Variants in HSPG2 observed in about 807,000 individuals in gnomAD.
The protein encoded by HSPG2 is basement membrane-specific heparan sulfate proteoglycan core protein.
In HSPG2, 278 loss-of-function variants were observed where a neutral mutation model predicts 526.6. That is an observed-to-expected ratio of 0.53 (90% CI 0.48 to 0.58). The LOEUF is 0.58. HSPG2 is among the 20% of genes least tolerant of loss of function. The probability of loss-of-function intolerance (pLI) is 0.00; values close to 1 mark genes in which losing one functional copy is unlikely to be tolerated. For missense variants in HSPG2, 5,354 were observed against 6,099.5 expected (o/e 0.88, Z 4.07); for synonymous variants, 2,465 against 2,555.4 (o/e 0.96, Z 1.07).
In HSPG2 at chr1:21,881,409, A is replaced by G. The variant is rs768739676; in HGVS notation, c.1748T>C (p.Val583Ala). Residue 583 changes from valine to alanine, a missense_variant, in exon 14 of 97, where the codon GTC becomes GCC. Coordinates refer to ENST00000374695, the MANE Select transcript of HSPG2 (RefSeq NM_005529.7). Reference protein sequence around the residue: ...IDPSLHEFQLVDLSRRFLVHD... With the variant: ...IDPSLHEFQLADLSRRFLVHD... ...GACGAGGAAGCGGCGGGACAGGTCGACTAGCTGGAACTCGTGCAGGGATGG... is the reference window on the plus strand; with the variant it reads ...GACGAGGAAGCGGCGGGACAGGTCGGCTAGCTGGAACTCGTGCAGGGATGG... 44 of 1,613,974 alleles carry G rather than the reference A, an allele frequency of 2.7e-5. No individual in the cohort carries two copies. The highest frequency in any genetic ancestry group is 3.6e-5 in the Non-Finnish European group (43 of 1,180,042).
chr1:21,846,999 CAAA>C (rs34373270), intron 62 of HSPG2, among the ~76,000 whole-genome samples: 1 of 140,860 alleles, frequency 7.1e-6, no homozygotes, highest in East Asian at 2.0e-4. Context: ...GACTCCCTCT[CAAA>C]AAAAAAAAAA....
In HSPG2 at chr1:21,846,652, A is replaced by T; in HGVS notation, c.8165-53T>A. ...CACAGCCGTTGTCAGATTTGGGAAC[A>T]GGGTTGGTGGGACCCTCTGCCATAG... On this transcript the variant is annotated intron_variant, in intron 62 of 96. Transcript: ENST00000374695. 2.5e-6 allele frequency: 4 copies of T among 1,604,670 alleles called. 1 individual carries two copies. The South Asian group carries it at 4.4e-5, about 18-fold the overall frequency.
chr1:21,875,963 G>C lies in HSPG2; in HGVS notation c.3083C>G (p.Pro1028Arg), dbSNP rs746308641. ...GTTGTTACCTTGCAGCACCACCAAC[G>C]GCTGCCCGTGCAGGGGTGTGGAGCC... ...QPGSTPLHGQ[P>R]LVVLQGNNII... Residue 1028 changes from proline to arginine, a missense_variant, in exon 24 of 97, where the codon CCG becomes CGG. Coordinates refer to ENST00000374695, the MANE Select transcript of HSPG2 (RefSeq NM_005529.7). The C allele has an allele frequency of 1.2e-6, 2 of 1,614,154 alleles. No individual in the cohort carries two copies. Among genetic ancestry groups the C allele is most frequent in the Non-Finnish European group, 1.7e-6 (2 of 1,180,010 alleles).
rs2097990436 is a variant in HSPG2, at chr1:21,829,108, A to AC, written c.11993-30dup. On this transcript the variant is annotated intron_variant, in intron 87 of 96. Transcript: ENST00000374695. ...GGGAGGATGCCAGGCAGGGTTGGGC[A>AC]CATGGGGGCACACGGGGCTCCCTGC... is the stretch of plus-strand genomic sequence containing the variant. 5 of 1,527,750 alleles carry AC rather than the reference A, an allele frequency of 3.3e-6. No homozygotes were observed. In the East Asian group the frequency reaches 1.2e-4, roughly 38 times the overall value. The allele number at this position is 1,527,750 out of a possible 1,614,324, so 94.6% of individuals were successfully genotyped here. A position where few individuals can be genotyped will look rare whatever the true frequency, so the allele number is the denominator to read the frequency against.
chr1:21,839,466 A>G lies in HSPG2; in HGVS notation c.9794T>C (p.Ile3265Thr), dbSNP rs1048312499. Residue 3265 changes from isoleucine to threonine, a missense_variant, in exon 73 of 97, where the codon ATA (isoleucine) becomes ACA (threonine). Transcript: ENST00000374695. The surrounding 1 kb of genome is among the most constrained non-coding windows in gnomAD (Gnocchi z 4.5). ...QHRLEGDTLI[I>T]PRVAQQDSGQ... ...CGAGTCCTGCTGGGCTACCCGGGGT[A>G]TGATGAGTGTGTCACCTTCCAGCCG... 2 of 1,614,102 alleles carry G rather than the reference A, an allele frequency of 1.2e-6. No individual in the cohort carries two copies. Among genetic ancestry groups the G allele is most frequent in the Non-Finnish European group, 1.7e-6 (2 of 1,179,984 alleles).
At chr1:21,873,780 G>A (rs1280053928) in intron 29 of HSPG2, 145 bp downstream of exon 29, 4 of 687,462 alleles carry the variant, frequency 5.8e-6, no homozygotes, top group East Asian at 2.7e-5. Flanking sequence ...CCGAGGAGGG[G>A]AGCTGACTGT....
chr1:21,832,925 C>T (rs938412199), intron 80 of HSPG2: 9 of 557,234 alleles, frequency 1.6e-5, no homozygotes, highest in Admixed American at 1.2e-4. Flanking sequence ...CCGTAAGAGA[C>T]GAGAGAAAGA....
rs113405124 is a variant in HSPG2 at position 21,896,058 on chromosome 1, G to A, written c.200-92C>T. The stretch of plus-strand genomic sequence containing the variant: ...CACTGTTCTGGGCACCTAGTATACA[G>A]TGGGACAGGGTTGAGAAAGCTCGGA... On this transcript the variant is annotated intron_variant, in intron 2 of 96. Coordinates refer to ENST00000374695, the MANE Select transcript of HSPG2 (RefSeq NM_005529.7). 405 of 1,592,032 alleles carry A rather than the reference G, an allele frequency of 2.5e-4. No individual in the cohort carries two copies. In the African/African-American group the frequency reaches 4.9e-3, roughly 19 times the overall value.
chr1:21,833,104 C>A, intron 80 of HSPG2, 164 bp downstream of exon 80: 1 of 696,450 alleles, frequency 1.4e-6, no homozygotes, highest in South Asian at 1.5e-5. Flanking sequence ...CAAGAGAAGG[C>A]ACACCAGGGT....
At chr1:21,874,839 G>C (rs754193651) in intron 26 of HSPG2, 52 bp downstream of exon 26, 3 of 1,532,066 alleles carry the variant, frequency 2.0e-6, no homozygotes, top group Middle Eastern at 1.7e-4. Flanking sequence ...GAGAAGGAGC[G>C]GGAAGCACCA....
chr1:21,888,852 G>T, intron 6 of HSPG2: 1 of 454,768 alleles, frequency 2.2e-6, no homozygotes. Flanking sequence ...TGGACCCCCA[G>T]CAGTCTTTAG....
chr1:21,862,020 G>C lies in HSPG2; in HGVS notation c.4836C>G (p.Pro1612=), dbSNP rs747958627. 5.0e-6 allele frequency: 8 copies of C among 1,614,198 alleles called. No individual in the cohort carries two copies. In the Admixed American group the frequency reaches 1.3e-4, roughly 27 times the overall value. The change falls in exon 38 of 97, where the codon CCC becomes CCG. Residue 1612 remains proline, a synonymous_variant. Coordinates refer to ENST00000374695, the MANE Select transcript of HSPG2 (RefSeq NM_005529.7). ...CTGGGTTGGTCAGTGGGCAGGCACA[G>C]GGCTGGCAGTCCTCAGGCGTCCCGG... ...ATAGTPEDCQ[P]CACPLTNPEN... is the part of the protein sequence containing the mutation.
intron 1 of HSPG2, among the ~76,000 whole-genome samples, chr1:21,902,998 C>T (rs1213409349): frequency 6.6e-6 from 1 of 152,218 alleles, no homozygotes; most frequent in Non-Finnish European, 1.5e-5. Context: ...AGAAAACACA[C>T]AGTAGGTACT....
chr1:21,932,527 C>T (rs920934916), intron 1 of HSPG2, among the ~76,000 whole-genome samples: 47 of 152,210 alleles, frequency 3.1e-4, no homozygotes, highest in African/African-American at 1.0e-3. Flanking sequence ...TGAGGTCCTG[C>T]TCTCGTAGAA....
At position 21,852,142 on chromosome 1, in the gene HSPG2, G is replaced by A. The variant is rs772784891; in HGVS notation, c.6816C>T (p.Ala2272=). ...LDLSCVVAGQ[A]HAQVTWYKRG... is the part of the protein sequence containing the mutation. ...GCTTGTACCATGTGACCTGGGCGTGGGCCTGCCCTGCCACCACGCAGCTCA... is the reference window on the plus strand; with the variant it reads ...GCTTGTACCATGTGACCTGGGCGTGAGCCTGCCCTGCCACCACGCAGCTCA... The change falls in exon 53 of 97, where the codon GCC becomes GCT. Residue 2272 remains alanine (A), a synonymous_variant. Coordinates refer to ENST00000374695, the MANE Select transcript of HSPG2 (RefSeq NM_005529.7). 3.7e-6 allele frequency: 6 copies of A among 1,613,764 alleles called. No homozygotes were observed. In the South Asian group the frequency reaches 5.5e-5, roughly 15 times the overall value.
In HSPG2 at chr1:21,872,492, G is replaced by A. The variant is rs1036694625; in HGVS notation, c.4030-115C>T. ...GGGGTCCTGTTGAGATCAGGACTGC[G>A]AGAGAAATAATGGGGGCATGTGAGG... On this transcript the variant is annotated intron_variant, in intron 32 of 96. Coordinates refer to ENST00000374695, the MANE Select transcript of HSPG2 (RefSeq NM_005529.7). This position sits in a 1 kb window ranked among gnomAD's most constrained non-coding sequence, Gnocchi z 5.5. The A allele has an allele frequency of 1.3e-5, 19 of 1,413,890 alleles. No individual in the cohort carries two copies. The highest frequency in any genetic ancestry group is 3.9e-5 in the Admixed American group (2 of 50,734). The allele number at this position is 1,413,890 out of a possible 1,614,324, so 87.6% of individuals were successfully genotyped here.
Position 21,873,005 on chromosome 1 carries a change from G to C in HSPG2, c.3880C>G (p.Gln1294Glu). ...CAGGGATTCGGACTGACCTTGCACTGGCACTGACCAGCAGCATCACACTGG... is the reference window on the plus strand; with the variant it reads ...CAGGGATTCGGACTGACCTTGCACTCGCACTGACCAGCAGCATCACACTGG... Reference protein sequence around the residue: ...SSQCDAAGQCQCKAQVEGLTC... With the variant: ...SSQCDAAGQCECKAQVEGLTC... The change falls in exon 31 of 97, where the codon CAG becomes GAG. Residue 1294 changes from glutamine (Q) to glutamate (E), a missense_variant. Coordinates refer to ENST00000374695, the MANE Select transcript of HSPG2 (RefSeq NM_005529.7). 6.2e-7 allele frequency: 1 copy of C among 1,610,694 alleles called. No individual in the cohort carries two copies. The highest frequency in any genetic ancestry group is 8.5e-7 in the Non-Finnish European group (1 of 1,179,740).
At chr1:21,930,635 G>A (rs993929711) in intron 1 of HSPG2, among the ~76,000 whole-genome samples, 3 of 152,068 alleles carry the variant, frequency 2.0e-5, no homozygotes, top group African/African-American at 4.8e-5. Flanking sequence ...TTAGCTGGAC[G>A]TGGTGGCGTG....
In HSPG2 at chr1:21,885,051, A is replaced by G. The variant is rs772169890; in HGVS notation, c.1317T>C (p.Asn439=). Residue 439 remains asparagine (N), a synonymous_variant, in exon 11 of 97, where the codon AAT becomes AAC. Coordinates refer to ENST00000374695, the MANE Select transcript of HSPG2 (RefSeq NM_005529.7). ...GGATGTGGCCCCAGTTGAGCCTCCA[A>G]TTGATGATGGGGGTGGGGACGCCAA... ...VAIGVPTPII[N]WRLNWGHIPS... is the part of the protein sequence containing the mutation. 1.9e-6 allele frequency: 3 copies of G among 1,613,734 alleles called. No homozygotes were observed. Among genetic ancestry groups the G allele is most frequent in the Non-Finnish European group, 2.5e-6 (3 of 1,179,970 alleles).
Sources: allele counts gnomAD v4.1 joint callset (sites outside exome capture counted in the v4.1 genomes callset), GRCh38; gene constraint gnomAD v4.1.1; non-coding constraint Gnocchi (gnomAD v3.1); transcripts MANE v1.5; gene names NCBI Gene and HGNC (gene_info 2026-07-23, HGNC 2026-07-21).